LRRIQ1: variants seen among roughly 807,000 people sequenced by gnomAD.
The protein encoded by LRRIQ1 is leucine rich repeats and IQ motif containing 1.
LRRIQ1 carries 210 observed loss-of-function variants against 211.9 expected under a neutral mutation model. The observed-to-expected ratio is 0.99, with a 90% CI of 0.89 to 1.11. The LOEUF (loss-of-function observed/expected upper bound fraction) is 1.11, where lower values mean the gene tolerates loss of function less well. LRRIQ1 is among the 50% of genes most tolerant of loss of function. The pLI, the probability that LRRIQ1 is intolerant of heterozygous loss-of-function variation, is 0.00. For synonymous variants in LRRIQ1, 699 were observed against 650.1 expected, an observed-to-expected ratio of 1.08 and a Z score of -1.14; for missense variants, 2,136 against 1,939.5, an observed-to-expected ratio of 1.10 and a Z score of -1.90.
At chr12:85,265,819 C>T (rs1451058003), downstream of LRRIQ1, among the ~76,000 whole-genome samples, 1 of 151,804 alleles carries the variant, frequency 6.6e-6, no homozygotes, top group Admixed American at 6.6e-5. Flanking sequence ...ATTTTATATA[C>T]AGTTAACATA....
chr12:85,254,033 G>A (rs1447841429), intron 1 of LRRIQ1, among the ~76,000 whole-genome samples: 6 of 151,928 alleles, frequency 3.9e-5, no homozygotes, highest in Non-Finnish European at 7.4e-5. Context: ...CCATGGTACC[G>A]TCCTTGCAAT....
At chr12:85,192,484 GTTATATAATATAATTATATATAAATATA>G (rs1892584214) in intron 24 of LRRIQ1, among the ~76,000 whole-genome samples, 3 of 118,910 alleles carry the variant, frequency 2.5e-5, no homozygotes, top group African/African-American at 9.7e-5. Flanking sequence ...AATATATATA[GTTATATAATATAATTATATATAAATATA>G]TATAGTTATA....
At chr12:85,090,219 T>G (rs956183609) in intron 11 of LRRIQ1, among the ~76,000 whole-genome samples, 1 of 152,162 alleles carries the variant, frequency 6.6e-6, no homozygotes, top group African/African-American at 2.4e-5. Flanking sequence ...AGAGGATGTA[T>G]GGAAAACCCT....
chr12:85,062,235 G>A (rs756479036), intron 8 of LRRIQ1, among the ~76,000 whole-genome samples: 8 of 151,766 alleles, frequency 5.3e-5, no homozygotes, highest in Non-Finnish European at 1.2e-4. Flanking sequence ...GGGTACAAAT[G>A]CAGCTTTGTT....
At chr12:85,109,863 T>C (rs1479641915) in intron 15 of LRRIQ1, among the ~76,000 whole-genome samples, 1 of 152,140 alleles carries the variant, frequency 6.6e-6, no homozygotes, top group Non-Finnish European at 1.5e-5. Flanking sequence ...GGTCTTTCTA[T>C]GTTGCCCAGG....
At chr12:85,223,836 A>C (rs958713818) in intron 24 of LRRIQ1, among the ~76,000 whole-genome samples, 1 of 152,126 alleles carries the variant, frequency 6.6e-6, no homozygotes, top group South Asian at 2.1e-4. Flanking sequence ...ATATTTTACA[A>C]TGTACAAACT....
exon 2 of LRRIQ1, chr12:85,264,182 A>G (rs918043959): frequency 2.0e-5 from 3 of 152,060 alleles, no homozygotes; most frequent in Non-Finnish European, 4.4e-5. Flanking sequence ...TGCATTGCAA[A>G]CCTATAAATC....
intron 24 of LRRIQ1, among the ~76,000 whole-genome samples, chr12:85,195,594 A>G (rs2136975567): frequency 6.6e-6 from 1 of 152,038 alleles, no homozygotes; most frequent in East Asian, 1.9e-4. Flanking sequence ...ATCTCAATAG[A>G]TGCAGAAAAA....
chr12:85,120,338 C>T (rs1421779012), intron 15 of LRRIQ1, among the ~76,000 whole-genome samples: 2 of 152,106 alleles, frequency 1.3e-5, no homozygotes, highest in Admixed American at 6.5e-5. Context: ...AAGATCAGTT[C>T]GCTATATTTG....
chr12:85,171,127 G>A (rs1453362178), intron 24 of LRRIQ1, among the ~76,000 whole-genome samples: 1 of 152,026 alleles, frequency 6.6e-6, no homozygotes, highest in Non-Finnish European at 1.5e-5. Context: ...TAATATCTTT[G>A]AGGATACGGA....
chr12:85,055,842 A>G lies in LRRIQ1; in HGVS notation c.1049A>G (p.Lys350Arg), dbSNP rs769131495. The G allele has an allele frequency of 6.3e-7, 1 of 1,587,950 alleles. No homozygotes were observed. The highest frequency in any genetic ancestry group is 8.6e-7 in the Non-Finnish European group (1 of 1,168,536). Residue 350 changes from lysine to arginine, a missense_variant, in exon 8 of 27, where the codon AAA (lysine) becomes AGA (arginine). Physicochemically the swap from Lys to Arg is conservative, Grantham distance 26. Transcript: ENST00000393217. ...GAACAAAGGATAAAAGAAGAGAGAA[A>G]AAAGCAAAAGGAAGAGGAAAGGAAA... is the stretch of plus-strand genomic sequence containing the variant. The part of the protein sequence containing the change: ...EEEQRIKEER[K>R]KQKEEERKRR...
At chr12:85,251,571 T>C (rs1171162930) in intron 1 of LRRIQ1, among the ~76,000 whole-genome samples, 1 of 151,924 alleles carries the variant, frequency 6.6e-6, no homozygotes, top group Non-Finnish European at 1.5e-5. Flanking sequence ...TTTGCAACTC[T>C]TATGTAAATT....
At chr12:85,085,615 C>T (rs1303466071) in intron 11 of LRRIQ1, among the ~76,000 whole-genome samples, 3 of 152,178 alleles carry the variant, frequency 2.0e-5, no homozygotes, top group Non-Finnish European at 2.9e-5. Flanking sequence ...GTAGTTTCTA[C>T]TATTTATTGT....
intron 24 of LRRIQ1, among the ~76,000 whole-genome samples, chr12:85,176,620 A>T (rs1040297265): frequency 1.4e-5 from 2 of 147,472 alleles, no homozygotes; most frequent in Non-Finnish European, 3.0e-5. Context: ...GAGGGATAGC[A>T]TCGGGAGATA....
intron 26 of LRRIQ1, among the ~76,000 whole-genome samples, chr12:85,243,684 TAAAC>T (rs1895577368): frequency 6.6e-6 from 1 of 151,196 alleles, no homozygotes; most frequent in Admixed American, 6.6e-5. Context: ...TAAGACCAAA[TAAAC>T]AGGGAAAATA....
At chr12:85,221,168 T>G (rs1894386023) in intron 24 of LRRIQ1, among the ~76,000 whole-genome samples, 1 of 152,142 alleles carries the variant, frequency 6.6e-6, no homozygotes, top group East Asian at 1.9e-4. Flanking sequence ...AATCTAATCT[T>G]GACCTTCAGA....
chr12:85,117,158 G>A (rs1480988143), intron 15 of LRRIQ1, among the ~76,000 whole-genome samples: 2 of 152,160 alleles, frequency 1.3e-5, no homozygotes, highest in East Asian at 1.9e-4. Flanking sequence ...TCTTTCTTGA[G>A]GGATATAGAG....
chr12:85,236,832 T>TATATATATAC (rs1555228696), intron 26 of LRRIQ1, among the ~76,000 whole-genome samples: 2 of 128,668 alleles, frequency 1.6e-5, no homozygotes, highest in African/African-American at 6.7e-5. Context: ...TATGTGTGCA[T>TATATATATAC]ATATATATAT....
chr12:85,113,434 A>G (rs1887329005), intron 15 of LRRIQ1, among the ~76,000 whole-genome samples: 1 of 152,126 alleles, frequency 6.6e-6, no homozygotes, highest in Non-Finnish European at 1.5e-5. Context: ...AAAGGATATA[A>G]TCTAAAACAG....
Sources: allele counts gnomAD v4.1 joint callset (sites outside exome capture counted in the v4.1 genomes callset), GRCh38; gene constraint gnomAD v4.1.1; transcripts MANE v1.5; gene names NCBI Gene and HGNC (gene_info 2026-07-23, HGNC 2026-07-21).